AMPH: variants seen among roughly 807,000 people sequenced by gnomAD.
AMPH encodes amphiphysin (Stiff-Mann syndrome with breast cancer 128kD autoantigen).
Under a neutral mutation model 99.1 loss-of-function variants are expected in AMPH, and 49 were observed. The ratio of observed to expected loss-of-function variants is 0.49; its 90% CI spans 0.39 to 0.63. The LOEUF (loss-of-function observed/expected upper bound fraction) is 0.63. Ranked by LOEUF, AMPH falls within the 20% of genes least tolerant of loss-of-function variation. AMPH has a pLI of 0.00. For missense variants in AMPH, 759 were observed against 863.4 expected (o/e 0.88, Z 1.52); for synonymous variants, 314 against 317.3 (o/e 0.99, Z 0.11).
At chr7:38,497,432 C>G (rs1277460181) in intron 3 of AMPH, among the ~76,000 whole-genome samples, 1 of 152,194 alleles carries the variant, frequency 6.6e-6, no homozygotes, top group East Asian at 1.9e-4. Flanking sequence ...CCACTTCACT[C>G]TTTTCAAAAT....
chr7:38,610,234 CAAAAAAAAAAAAAAAAAAAA>C (rs544036143), intron 1 of AMPH, among the ~76,000 whole-genome samples: 99 of 6,128 alleles, frequency 0.016, 3 homozygotes, highest in Non-Finnish European at 0.019. Context: ...TAAGCTCTCT[CAAAAAAAAAAAAAAAAAAAA>C]AAAAAAAAAG....
At chr7:38,411,405 G>A (rs985375650) in intron 17 of AMPH, among the ~76,000 whole-genome samples, 3 of 152,174 alleles carry the variant, frequency 2.0e-5, no homozygotes, top group Non-Finnish European at 4.4e-5. Flanking sequence ...TGGGGAAAAG[G>A]AAGGGATCTC....
rs1318589315 is a variant in AMPH at position 38,468,955 on chromosome 7, C to A, written c.591-2707G>T. On this transcript the variant is annotated intron_variant, in intron 7 of 20. Coordinates refer to ENST00000356264, the MANE Select transcript of AMPH (RefSeq NM_001635.4). ...GGATCACGAGGTCAGGAGATCGAGACCATCCCGGCTAAAACGGTGAAACCC... is the reference window on the plus strand; with the variant it reads ...GGATCACGAGGTCAGGAGATCGAGAACATCCCGGCTAAAACGGTGAAACCC... 1.6e-5 allele frequency among the ~76,000 whole-genome samples: 2 copies of A among 126,598 alleles called. 1 individual carries two copies. Among genetic ancestry groups the A allele is most frequent in the African/African-American group, 6.2e-5 (2 of 32,046 alleles). The allele number at this position is 126,598 out of a possible 152,430, so 83.1% of individuals were successfully genotyped here.
rs898158332 is a variant in AMPH at position 38,526,844 on chromosome 7, C to T, written c.150+8087G>A. Among the ~76,000 whole-genome samples, 16 of 152,146 alleles carry T rather than the reference C, an allele frequency of 1.1e-4. No individual in the cohort carries two copies. In the East Asian group the frequency reaches 3.1e-3, roughly 29 times the overall value. ...CAAATCTAAGAACTCTTTACCTAAC[C>T]CTAGATCCCAAAGATTTTCTCCTAT... is the stretch of plus-strand genomic sequence containing the variant. On this transcript the variant is annotated intron_variant, in intron 2 of 20. Coordinates refer to ENST00000356264, the MANE Select transcript of AMPH (RefSeq NM_001635.4).
chr7:38,622,535 G>A (rs1282727720), intron 1 of AMPH, among the ~76,000 whole-genome samples: 2 of 151,790 alleles, frequency 1.3e-5, no homozygotes, highest in Non-Finnish European at 2.9e-5. Flanking sequence ...TCAACTTACA[G>A]GAATGGATAC....
At chr7:38,406,387 T>C (rs763310330) in intron 17 of AMPH, among the ~76,000 whole-genome samples, 61 of 151,992 alleles carry the variant, frequency 4.0e-4, no homozygotes, top group Non-Finnish European at 5.9e-4. Context: ...TAAATGAAAT[T>C]GAAAATTAAA....
intron 11 of AMPH, among the ~76,000 whole-genome samples, chr7:38,446,047 T>C (rs1003252686): frequency 6.6e-6 from 1 of 152,218 alleles, no homozygotes; most frequent in Non-Finnish European, 1.5e-5. Flanking sequence ...AATGCTGCCA[T>C]GCTTCCTGTA....
intron 1 of AMPH, among the ~76,000 whole-genome samples, chr7:38,567,055 T>G (rs1021098745): frequency 2.6e-5 from 4 of 152,272 alleles, no homozygotes; most frequent in East Asian, 1.9e-4. Context: ...ACCCAAAGGA[T>G]TATAAATCAT....
At chr7:38,484,486 C>T in intron 5 of AMPH, among the ~76,000 whole-genome samples, 1 of 152,022 alleles carries the variant, frequency 6.6e-6, no homozygotes, top group East Asian at 1.9e-4. Context: ...AACTGTGAAA[C>T]AAGAATACTT....
intron 11 of AMPH, among the ~76,000 whole-genome samples, chr7:38,450,126 A>G (rs1041549484): frequency 7.2e-5 from 11 of 152,248 alleles, no homozygotes; most frequent in Non-Finnish European, 1.3e-4. Flanking sequence ...GCATGGGAGC[A>G]TGGTAGGCAT....
At chr7:38,536,456 AG>A (rs1790603636) in intron 1 of AMPH, among the ~76,000 whole-genome samples, 1 of 152,212 alleles carries the variant, frequency 6.6e-6, no homozygotes, top group African/African-American at 2.4e-5. Context: ...TTTCTTCAAG[AG>A]GTCAATTTTC....
chr7:38,552,887 A>C (rs535018935), intron 1 of AMPH, among the ~76,000 whole-genome samples: 1 of 152,212 alleles, frequency 6.6e-6, no homozygotes, highest in African/African-American at 2.4e-5. Context: ...ATACATGTGC[A>C]TTGAGACCTC....
At chr7:38,593,663 A>G (rs1584283761) in intron 1 of AMPH, among the ~76,000 whole-genome samples, 2 of 152,224 alleles carry the variant, frequency 1.3e-5, no homozygotes, top group Admixed American at 6.5e-5. Context: ...TCGTTCATCA[A>G]CAAACATGTA....
chr7:38,606,750 T>A (rs1276410745), intron 1 of AMPH, among the ~76,000 whole-genome samples: 2 of 151,968 alleles, frequency 1.3e-5, no homozygotes, highest in Non-Finnish European at 2.9e-5. Flanking sequence ...TTTTTTAAAC[T>A]TTTTTGTAGA....
At chr7:38,494,659 A>G in intron 3 of AMPH, 132 bp from the exon 4 acceptor site, 1 of 714,278 alleles carries the variant, frequency 1.4e-6, no homozygotes, top group South Asian at 1.6e-5. Flanking sequence ...TAAAGGCACA[A>G]CTGCTGCTTG....
chr7:38,502,017 A>G (rs1562794372), intron 3 of AMPH, among the ~76,000 whole-genome samples: 4 of 152,292 alleles, frequency 2.6e-5, no homozygotes, highest in African/African-American at 9.6e-5. Context: ...TTTATCATCC[A>G]TCTATAGTTC....
At chr7:38,589,824 T>C (rs2129057617) in intron 1 of AMPH, among the ~76,000 whole-genome samples, 1 of 152,320 alleles carries the variant, frequency 6.6e-6, no homozygotes, top group Admixed American at 6.5e-5. Flanking sequence ...AAAGGGCACC[T>C]GTGAACACAA....
At chr7:38,527,139 A>G (rs1790219707) in intron 2 of AMPH, among the ~76,000 whole-genome samples, 1 of 152,372 alleles carries the variant, frequency 6.6e-6, no homozygotes, top group South Asian at 2.1e-4. Flanking sequence ...CTCTCTGCCA[A>G]TACAATGTCT....
At chr7:38,572,532 G>A (rs1314984258) in intron 1 of AMPH, among the ~76,000 whole-genome samples, 2 of 152,320 alleles carry the variant, frequency 1.3e-5, no homozygotes, top group South Asian at 2.1e-4. Context: ...GGAAGAGTCA[G>A]GTATTCCAAA....
Sources: allele counts gnomAD v4.1 joint callset (sites outside exome capture counted in the v4.1 genomes callset), GRCh38; gene constraint gnomAD v4.1.1; transcripts MANE v1.5; gene names NCBI Gene and HGNC (gene_info 2026-07-23, HGNC 2026-07-21).